Variants in TMEM117 observed in about 807,000 individuals in gnomAD.
TMEM117 encodes the protein transmembrane protein 117.
Under a neutral mutation model 52.4 loss-of-function variants are expected in TMEM117, and 27 were observed. The observed-to-expected ratio is 0.51, with a 90% CI of 0.38 to 0.71. The LOEUF is 0.71. Ranked by LOEUF, TMEM117 falls within the 30% of genes least tolerant of loss-of-function variation. The pLI is 0.00. For synonymous variants in TMEM117, 215 were observed against 206.3 expected (o/e 1.04, Z -0.36); for missense variants, 556 against 630.5 (o/e 0.88, Z 1.26).
chr12:43,955,597 C>A (rs918388191), intron 3 of TMEM117, among the ~76,000 whole-genome samples: 1 of 152,020 alleles, frequency 6.6e-6, no homozygotes, highest in Admixed American at 6.6e-5. Context: ...AAGTGAAGGA[C>A]CTCTTTAAGG....
intron 5 of TMEM117, among the ~76,000 whole-genome samples, chr12:44,290,049 C>T (rs756211455): frequency 6.6e-6 from 1 of 152,020 alleles, no homozygotes; most frequent in Admixed American, 6.5e-5. Context: ...ATTTTCTAAC[C>T]AGGTTATTTC....
At chr12:44,318,552 T>G (rs1951088997) in intron 6 of TMEM117, among the ~76,000 whole-genome samples, 1 of 151,964 alleles carries the variant, frequency 6.6e-6, no homozygotes, top group South Asian at 2.1e-4. Flanking sequence ...TGCCTGGGCA[T>G]GAAGTGGAGA....
intron 5 of TMEM117, among the ~76,000 whole-genome samples, chr12:44,266,165 C>T (rs79373970): frequency 0.056 from 8,503 of 152,106 alleles, 370 homozygotes; most frequent in Non-Finnish European, 0.086. Flanking sequence ...GAAAAAACTC[C>T]TGGGTAATAT....
chr12:44,222,878 C>T (rs757371946), intron 5 of TMEM117, among the ~76,000 whole-genome samples: 2 of 152,112 alleles, frequency 1.3e-5, no homozygotes, highest in African/African-American at 4.8e-5. Flanking sequence ...GGCTTTCTAG[C>T]AATATAAATC....
chr12:43,879,162 G>A (rs555264819), intron 2 of TMEM117, among the ~76,000 whole-genome samples: 6 of 152,208 alleles, frequency 3.9e-5, no homozygotes, highest in South Asian at 2.1e-4. Flanking sequence ...ATTCCTGTGC[G>A]AGCCTCAGAA....
intron 2 of TMEM117, among the ~76,000 whole-genome samples, chr12:43,884,970 G>A (rs1675755): frequency 0.68 from 103,962 of 152,092 alleles, 40,871 homozygotes; most frequent in Non-Finnish European, 0.85. Flanking sequence ...CTTGCCCATG[G>A]CACGCTCGCA....
intron 3 of TMEM117, among the ~76,000 whole-genome samples, chr12:44,132,181 G>C (rs1021996996): frequency 6.8e-6 from 1 of 147,006 alleles, no homozygotes; most frequent in African/African-American, 2.6e-5. Context: ...GGGAGGGGCT[G>C]CTCAGGTTTT....
At chr12:44,384,773 A>G (rs896411417) in intron 7 of TMEM117, among the ~76,000 whole-genome samples, 1 of 152,130 alleles carries the variant, frequency 6.6e-6, no homozygotes, top group Non-Finnish European at 1.5e-5. Context: ...CTCTCCCTCT[A>G]TTCCGTCACC....
At chr12:44,155,070 C>A (rs773289557) in intron 4 of TMEM117, among the ~76,000 whole-genome samples, 12 of 152,050 alleles carry the variant, frequency 7.9e-5, no homozygotes, top group Non-Finnish European at 1.2e-4. Flanking sequence ...ATAATCATCT[C>A]TTTCCTCCAT....
At chr12:44,165,194 G>A (rs1484850204) in intron 4 of TMEM117, among the ~76,000 whole-genome samples, 1 of 151,968 alleles carries the variant, frequency 6.6e-6, no homozygotes, top group Non-Finnish European at 1.5e-5. Flanking sequence ...ACACACAAAA[G>A]TTTAAAAACT....
chr12:44,330,673 T>A (rs1951257582), intron 6 of TMEM117, among the ~76,000 whole-genome samples: 1 of 152,072 alleles, frequency 6.6e-6, no homozygotes, highest in Non-Finnish European at 1.5e-5. Flanking sequence ...AAGTCCAAGA[T>A]CTTGATTCTA....
intron 6 of TMEM117, among the ~76,000 whole-genome samples, chr12:44,356,010 G>A (rs1418593649): frequency 6.6e-6 from 1 of 151,756 alleles, no homozygotes; most frequent in Non-Finnish European, 1.5e-5. Flanking sequence ...TATCTGTTTA[G>A]AGTCAGGAAA....
chr12:44,087,428 C>CTA (rs761483429), intron 3 of TMEM117, among the ~76,000 whole-genome samples: 96 of 149,310 alleles, frequency 6.4e-4, no homozygotes, highest in Non-Finnish European at 1.0e-3. Flanking sequence ...ACCATTCTTT[C>CTA]TATGTGTGTA....
chr12:44,376,856 CAAGGTGGT>C, intron 7 of TMEM117, 132 bp downstream of exon 7: 1 of 996,290 alleles, frequency 1.0e-6, no homozygotes, highest in Non-Finnish European at 1.4e-6. Context: ...CTTAACAGTG[CAAGGTGGT>C]TTTCAGATCA....
intron 1 of TMEM117, among the ~76,000 whole-genome samples, chr12:43,839,648 A>G (rs571234583): frequency 9.2e-5 from 14 of 152,282 alleles, no homozygotes; most frequent in Non-Finnish European, 1.6e-4. Context: ...GAACTTTCTT[A>G]AATACTGTGT....
intron 6 of TMEM117, among the ~76,000 whole-genome samples, chr12:44,309,114 A>C (rs1485898455): frequency 1.3e-5 from 2 of 152,242 alleles, no homozygotes; most frequent in Non-Finnish European, 2.9e-5. Flanking sequence ...AAAATAAGAA[A>C]TGAAAAAGAG....
intron 2 of TMEM117, among the ~76,000 whole-genome samples, chr12:43,921,947 G>A (rs1203398005): frequency 6.6e-6 from 1 of 152,040 alleles, no homozygotes; most frequent in Non-Finnish European, 1.5e-5. Context: ...TGTCCCAAAT[G>A]TCCACTGTCA....
Position 44,299,637 on chromosome 12 carries a change from C to G in TMEM117, c.666C>G (p.Ile222Met), listed in dbSNP as rs1414997878. 1 of 1,614,078 alleles carries G rather than the reference C, an allele frequency of 6.2e-7. No homozygotes were observed. Among genetic ancestry groups the G allele is most frequent in the Non-Finnish European group, 8.5e-7 (1 of 1,180,038 alleles). ...VVVLVITTDW[I>M]SWDKLNRGFL... is the part of the protein sequence containing the mutation. ...TACTTGTGATTACAACGGACTGGAT[C>G]AGCTGGGACAAGCTGAATCGGGGAT... The change falls in exon 6 of 8, where the codon ATC becomes ATG. Residue 222 changes from isoleucine (I) to methionine (M), a missense_variant. By Grantham distance (10) the Ile-to-Met change is conservative. Transcript: ENST00000266534.
intron 6 of TMEM117, among the ~76,000 whole-genome samples, chr12:44,366,553 A>G (rs1428352739): frequency 6.6e-6 from 1 of 151,962 alleles, no homozygotes; most frequent in Non-Finnish European, 1.5e-5. Context: ...TTACATGAGG[A>G]TGGATAATTT....
Sources: gnomAD v4.1 joint callset for allele counts (sites outside exome capture counted in the v4.1 genomes callset) on GRCh38, gnomAD v4.1.1 for gene constraint, MANE v1.5 for transcripts, NCBI Gene and HGNC (gene_info 2026-07-23, HGNC 2026-07-21) for gene names.